The following ENPEP variants were observed in gnomAD, a reference collection of about 807,000 sequenced individuals.
ENPEP encodes AP-A.
A neutral mutation model predicts 114.5 loss-of-function variants in ENPEP; 103 were observed. The ratio of observed to expected loss-of-function variants is 0.90; its 90% CI spans 0.77 to 1.06. The LOEUF is 1.06. Ranked by LOEUF, ENPEP falls within the 50% of genes least tolerant of loss-of-function variation. ENPEP has a pLI of 0.00. For synonymous variants in ENPEP, 420 were observed against 422.0 expected, an observed-to-expected ratio of 1.00 and a Z score of 0.06; for missense variants, 1,196 against 1,161.3, an observed-to-expected ratio of 1.03 and a Z score of -0.43.
chr4:110,516,209 G>T (rs958793861), intron 8 of ENPEP, among the ~76,000 whole-genome samples: 1 of 152,254 alleles, frequency 6.6e-6, no homozygotes, highest in East Asian at 1.9e-4. Flanking sequence ...AAAGAGGCTT[G>T]CTTCCTTTTG....
At chr4:110,495,030 A>G (rs1486643897) in intron 3 of ENPEP, among the ~76,000 whole-genome samples, 1 of 152,174 alleles carries the variant, frequency 6.6e-6, no homozygotes, top group Non-Finnish European at 1.5e-5. Flanking sequence ...TTATGTGAAC[A>G]AACTGTTGAG....
At position 110,563,386 on chromosome 4, in the gene ENPEP, T is replaced by A. The variant is rs1383082955; in HGVS notation, c.*1828T>A. Reference sequence around the variant, plus strand: ...CTTTTGTTGTTCTATTTCATTCTATTTTAAGCATTAAAACTGAGAACAAAT... The same window carrying A: ...CTTTTGTTGTTCTATTTCATTCTATATTAAGCATTAAAACTGAGAACAAAT... On this transcript the variant is annotated 3_prime_UTR_variant, in exon 20 of 20. Coordinates refer to ENST00000265162, the MANE Select transcript of ENPEP (RefSeq NM_001977.4). 3 of 152,214 alleles carry A rather than the reference T, an allele frequency of 2.0e-5. No homozygotes were observed. The highest frequency in any genetic ancestry group is 4.4e-5 in the Non-Finnish European group (3 of 68,024). 9.4% of individuals were successfully genotyped at this position (152,214 alleles called of 1,614,324 possible).
chr4:110,528,765 G>C (rs1051807242), intron 10 of ENPEP, among the ~76,000 whole-genome samples: 1 of 152,170 alleles, frequency 6.6e-6, no homozygotes, highest in African/African-American at 2.4e-5. Flanking sequence ...TGCAATCAAA[G>C]TCAGTTTCCT....
At position 110,491,668 on chromosome 4, in the gene ENPEP, A is replaced by G. The variant is rs115088749; in HGVS notation, c.918+504A>G. ...TTAAAAGTATGATAAAATATAAATAAGCTTTTTTTAAAAATATCAAGACGA... is the reference window on the plus strand; with the variant it reads ...TTAAAAGTATGATAAAATATAAATAGGCTTTTTTTAAAAATATCAAGACGA... On this transcript the variant is annotated intron_variant, in intron 3 of 19. Transcript: ENST00000265162. Among the ~76,000 whole-genome samples, 967 of 152,096 alleles carry G rather than the reference A, an allele frequency of 6.4e-3. 5 individuals are homozygous for G. Among genetic ancestry groups the G allele is most frequent in the African/African-American group, 0.022 (928 of 41,476 alleles).
chr4:110,557,530 C>T (rs923934860), intron 18 of ENPEP, among the ~76,000 whole-genome samples: 2 of 152,154 alleles, frequency 1.3e-5, no homozygotes, highest in Admixed American at 1.3e-4. Flanking sequence ...AGCACACTGA[C>T]TATTTCCTGA....
In ENPEP at chr4:110,565,013, T is replaced by C. The variant is rs1727782921; in HGVS notation, c.*3455T>C. 1 of 152,182 alleles carries C rather than the reference T, an allele frequency of 6.6e-6. No homozygotes were observed. Among genetic ancestry groups the C allele is most frequent in the Admixed American group, 6.5e-5 (1 of 15,270 alleles). The allele number at this position is 152,182 out of a possible 1,614,324, so 9.4% of individuals were successfully genotyped here. A position where few individuals can be genotyped will look rare whatever the true frequency, so the allele number is the denominator to read the frequency against. Reference sequence around the variant, plus strand: ...ATCACTGAGATTTTGAGGTTGTCTGTTACTGCAGCATAATCTAGCCTAATA... The same window carrying C: ...ATCACTGAGATTTTGAGGTTGTCTGCTACTGCAGCATAATCTAGCCTAATA... On this transcript the variant is annotated 3_prime_UTR_variant, in exon 20 of 20. Transcript: ENST00000265162.
chr4:110,498,411 G>A (rs552518829), intron 3 of ENPEP, among the ~76,000 whole-genome samples: 1 of 152,152 alleles, frequency 6.6e-6, no homozygotes, highest in African/African-American at 2.4e-5. Context: ...GCAGTGAAAA[G>A]TCAGGCTGCT....
intron 11 of ENPEP, among the ~76,000 whole-genome samples, chr4:110,532,424 G>T (rs1726441655): frequency 6.6e-6 from 1 of 152,152 alleles, no homozygotes. Flanking sequence ...GATATAGCAT[G>T]TAACTCTACT....
At chr4:110,500,449 G>C (rs969126104) in intron 3 of ENPEP, among the ~76,000 whole-genome samples, 2 of 152,092 alleles carry the variant, frequency 1.3e-5, no homozygotes, top group African/African-American at 4.8e-5. Flanking sequence ...TAGTATACCA[G>C]GTAATTTAAT....
intron 18 of ENPEP, among the ~76,000 whole-genome samples, chr4:110,558,319 ACT>A (rs1263815686): frequency 6.7e-6 from 1 of 148,206 alleles, no homozygotes; most frequent in Non-Finnish European, 1.5e-5. Flanking sequence ...ACAAGGTCTC[ACT>A]CTGTCACCCA....
intron 10 of ENPEP, among the ~76,000 whole-genome samples, chr4:110,523,380 G>A (rs532350929): frequency 1.8e-4 from 27 of 152,016 alleles, no homozygotes; most frequent in Middle Eastern, 3.4e-3. Flanking sequence ...TGCCCCAGTC[G>A]TACAAAACTG....
chr4:110,484,416 A>C (rs1464363251), intron 1 of ENPEP, among the ~76,000 whole-genome samples: 1 of 152,058 alleles, frequency 6.6e-6, no homozygotes, highest in Non-Finnish European at 1.5e-5. Context: ...TTGGCTCTGA[A>C]CTTTAAAAAA....
intron 3 of ENPEP, among the ~76,000 whole-genome samples, chr4:110,503,497 G>C (rs1725241567): frequency 6.6e-6 from 1 of 152,080 alleles, no homozygotes; most frequent in African/African-American, 2.4e-5. Context: ...GTTCTCAATG[G>C]AATCTCAATG....
chr4:110,561,077 C>T (rs1303552694), intron 19 of ENPEP, among the ~76,000 whole-genome samples: 4 of 152,072 alleles, frequency 2.6e-5, no homozygotes, highest in African/African-American at 9.7e-5. Flanking sequence ...GTGAGATTTT[C>T]CAGGGAACAC....
chr4:110,494,225 A>G (rs1455655866), intron 3 of ENPEP, among the ~76,000 whole-genome samples: 2 of 152,152 alleles, frequency 1.3e-5, no homozygotes, highest in African/African-American at 4.8e-5. Context: ...CTGGAGCTCA[A>G]TATGCTTATA....
chr4:110,511,375 C>G (rs1725567652), intron 6 of ENPEP, among the ~76,000 whole-genome samples: 1 of 152,052 alleles, frequency 6.6e-6, no homozygotes, highest in South Asian at 2.1e-4. Context: ...CTTCTATTAA[C>G]TAAATGCCAG....
intron 3 of ENPEP, among the ~76,000 whole-genome samples, chr4:110,492,199 T>G (rs1724750341): frequency 6.6e-6 from 1 of 152,220 alleles, no homozygotes; most frequent in East Asian, 1.9e-4. Context: ...TATAATTTTA[T>G]AAGGAGGAAA....
At chr4:110,552,261 A>G (rs1434181979) in intron 17 of ENPEP, among the ~76,000 whole-genome samples, 2 of 152,208 alleles carry the variant, frequency 1.3e-5, no homozygotes, top group Non-Finnish European at 2.9e-5. Context: ...GCTGAACTAT[A>G]GACCTGTTCT....
At chr4:110,477,684 T>A (rs72666187) in intron 1 of ENPEP, among the ~76,000 whole-genome samples, 6,699 of 152,234 alleles carry the variant, frequency 0.044, 191 homozygotes, top group Middle Eastern at 0.18. Flanking sequence ...GAAATATTCA[T>A]TGAGTCCACA....
Sources: gnomAD v4.1 joint callset for allele counts (sites outside exome capture counted in the v4.1 genomes callset) on GRCh38, gnomAD v4.1.1 for gene constraint, MANE v1.5 for transcripts, NCBI Gene and HGNC (gene_info 2026-07-23, HGNC 2026-07-21) for gene names.